The following TAOK3 variants were observed in gnomAD, a reference collection of about 807,000 sequenced individuals.
TAOK3 encodes the protein serine/threonine-protein kinase TAO3.
Under a neutral mutation model 120.4 loss-of-function variants are expected in TAOK3, and 40 were observed. The observed-to-expected ratio is 0.33, with a 90% confidence interval of 0.26 to 0.43. The LOEUF (loss-of-function observed/expected upper bound fraction) is 0.43, where lower values mean the gene tolerates loss of function less well. Among genes scored for constraint, TAOK3 ranks in the 20% least tolerant of loss-of-function variants. The pLI is 1.00. For missense variants in TAOK3, 821 were observed against 1,112.1 expected (o/e 0.74, Z 3.72); for synonymous variants, 355 against 387.5 (o/e 0.92, Z 0.99).
At chr12:118,257,384 C>T (rs2041032544) in intron 2 of TAOK3, among the ~76,000 whole-genome samples, 2 of 152,070 alleles carry the variant, frequency 1.3e-5, no homozygotes, top group Admixed American at 6.6e-5. Context: ...TTTTGACATG[C>T]TCATATATTG....
intron 1 of TAOK3, among the ~76,000 whole-genome samples, chr12:118,319,169 G>A: frequency 6.6e-6 from 1 of 152,090 alleles, no homozygotes; most frequent in East Asian, 1.9e-4. Context: ...ATTCTACAAT[G>A]TATGCATATA....
At chr12:118,211,697 C>T (rs1181458291) in intron 11 of TAOK3, among the ~76,000 whole-genome samples, 1 of 151,654 alleles carries the variant, frequency 6.6e-6, no homozygotes, top group African/African-American at 2.4e-5. Flanking sequence ...CTCACTATAA[C>T]CTCAAAATCC....
At chr12:118,250,975 C>T (rs1254717386) in intron 3 of TAOK3, among the ~76,000 whole-genome samples, 1 of 152,070 alleles carries the variant, frequency 6.6e-6, no homozygotes, top group Non-Finnish European at 1.5e-5. Context: ...ATCAGAGCTA[C>T]AGCAATGAGA....
At chr12:118,228,684 CT>C in intron 9 of TAOK3, among the ~76,000 whole-genome samples, 1 of 152,326 alleles carries the variant, frequency 6.6e-6, no homozygotes, top group East Asian at 1.9e-4. Context: ...TCTACCTTTT[CT>C]GGCTACTATA....
At chr12:118,186,404 C>T (rs893768995) in intron 14 of TAOK3, among the ~76,000 whole-genome samples, 4 of 152,214 alleles carry the variant, frequency 2.6e-5, no homozygotes, top group Non-Finnish European at 4.4e-5. Context: ...ACAGAAACGG[C>T]CAAGAGCCCC....
At chr12:118,189,501 G>C (rs2037286907) in intron 14 of TAOK3, among the ~76,000 whole-genome samples, 1 of 145,756 alleles carries the variant, frequency 6.9e-6, no homozygotes, top group South Asian at 2.2e-4. Flanking sequence ...CTTATATTTT[G>C]CACATACAGC....
In TAOK3 at chr12:118,201,315, T is replaced by A; in HGVS notation, c.968A>T (p.Glu323Val). Residue 323 changes from glutamate (E) to valine (V), a missense_variant, in exon 12 of 21, where the codon GAG (glutamate) becomes GTG (valine). This residue lies in a region of TAOK3 where 467 missense variants were observed against 540.0 expected (regional missense o/e 0.86). Coordinates refer to ENST00000392533, the MANE Select transcript of TAOK3 (RefSeq NM_016281.4). ...ACCTACTTCCTCATCCTCCTGTGAC[T>A]CATTCAAGGGTCCATTCCGTGTCTC... ...FQETRNGPLN[E>V]SQEDEEDSEH... is the part of the protein sequence containing the mutation. The A allele has an allele frequency of 6.2e-7, 1 of 1,613,564 alleles. No homozygotes were observed. Among genetic ancestry groups the A allele is most frequent in the Non-Finnish European group, 8.5e-7 (1 of 1,179,744 alleles).
intron 9 of TAOK3, among the ~76,000 whole-genome samples, chr12:118,222,094 G>T (rs1331175173): frequency 6.6e-6 from 1 of 152,144 alleles, no homozygotes; most frequent in African/African-American, 2.4e-5. Flanking sequence ...GTTCAGGAAG[G>T]TCAGTTTGAT....
intron 1 of TAOK3, among the ~76,000 whole-genome samples, chr12:118,275,114 AC>A (rs1370362396): frequency 6.6e-6 from 1 of 151,948 alleles, no homozygotes. Context: ...TTGCACTATA[AC>A]TTTTTTTTCA....
chr12:118,350,624 T>G (rs1247862186), intron 1 of TAOK3, among the ~76,000 whole-genome samples: 2 of 151,940 alleles, frequency 1.3e-5, no homozygotes. Flanking sequence ...TTTGGGAGGC[T>G]GAGGCAGGTG....
At chr12:118,291,724 C>A (rs957224785) in intron 1 of TAOK3, among the ~76,000 whole-genome samples, 9 of 152,108 alleles carry the variant, frequency 5.9e-5, no homozygotes, top group Non-Finnish European at 1.3e-4. Context: ...TGAGATCATT[C>A]GATTTAAACA....
chr12:118,343,388 T>C (rs933705887), intron 1 of TAOK3, among the ~76,000 whole-genome samples: 13 of 150,038 alleles, frequency 8.7e-5, no homozygotes, highest in Admixed American at 6.0e-4. Context: ...GATTGTGCCA[T>C]TGCACTCCAG....
chr12:118,341,439 A>C (rs1017919130), intron 1 of TAOK3, among the ~76,000 whole-genome samples: 46 of 152,250 alleles, frequency 3.0e-4, no homozygotes, highest in African/African-American at 1.0e-3. Context: ...AATTAGGTCC[A>C]TCTGTCCAAA....
chr12:118,295,275 G>A (rs34789655), intron 1 of TAOK3: 12,599 of 152,098 alleles, frequency 0.083, 645 homozygotes, highest in Admixed American at 0.12. Context: ...TCTTGACCTC[G>A]TGATCCGTCT....
At chr12:118,342,565 C>G (rs1315875592) in intron 1 of TAOK3, among the ~76,000 whole-genome samples, 2 of 152,044 alleles carry the variant, frequency 1.3e-5, no homozygotes. Context: ...AAATTGTGTA[C>G]TATCAATAAA....
At chr12:118,370,632 A>T (rs1242144833) in intron 1 of TAOK3, among the ~76,000 whole-genome samples, 1 of 152,234 alleles carries the variant, frequency 6.6e-6, no homozygotes, top group Non-Finnish European at 1.5e-5. Flanking sequence ...TTAAAAATTC[A>T]AATACAAAAC....
intron 12 of TAOK3, 198 bp from the exon 13 acceptor site, chr12:118,199,455 C>T (rs1478827397): frequency 1.7e-6 from 1 of 596,706 alleles, no homozygotes; most frequent in South Asian, 2.0e-5. Context: ...TATGCCTTCC[C>T]CAGGGGCCAT....
At chr12:118,265,523 AATATGAAAC>A (rs1474887340) in intron 2 of TAOK3, among the ~76,000 whole-genome samples, 6 of 152,194 alleles carry the variant, frequency 3.9e-5, no homozygotes, top group Non-Finnish European at 8.8e-5. Context: ...GTCCATTTAA[AATATGAAAC>A]ATGTAACTTC....
At chr12:118,222,084 G>GT (rs1056397003) in intron 9 of TAOK3, among the ~76,000 whole-genome samples, 3 of 152,138 alleles carry the variant, frequency 2.0e-5, no homozygotes, top group African/African-American at 4.8e-5. Context: ...TAAGATCAAG[G>GT]TTCAGGAAGG....
Sources: gnomAD v4.1 joint callset for allele counts (sites outside exome capture counted in the v4.1 genomes callset) on GRCh38, gnomAD v4.1.1 for gene constraint, gnomAD v4.1.1 regional missense constraint, MANE v1.5 for transcripts, NCBI Gene and HGNC (gene_info 2026-07-23, HGNC 2026-07-21) for gene names.